Variants in CSMD2 observed in about 807,000 individuals in gnomAD.
CSMD2 encodes the protein CUB and Sushi multiple domains 2.
In CSMD2, 130 loss-of-function variants were observed where a neutral mutation model predicts 398.5. That is an observed-to-expected ratio of 0.33 (90% confidence interval 0.28 to 0.38). The LOEUF (loss-of-function observed/expected upper bound fraction) is 0.38. CSMD2 is among the 10% of genes least tolerant of loss of function. The pLI, the probability that CSMD2 is intolerant of heterozygous loss-of-function variation, is 1.00. For missense variants in CSMD2, 3,829 were observed against 4,764.9 expected, an observed-to-expected ratio of 0.80 and a Z score of 5.78; for synonymous variants, 1,828 against 1,908.5, an observed-to-expected ratio of 0.96 and a Z score of 1.10.
In CSMD2 at chr1:33,605,465, C is replaced by T. The variant is rs147076022; in HGVS notation, c.6349G>A (p.Glu2117Lys). 9.3e-4 allele frequency: 1,497 copies of T among 1,614,104 alleles called. 14 individuals are homozygous for T. In the African/African-American group the frequency reaches 0.015, roughly 16 times the overall value. The part of the protein sequence containing the change: ...PGFKLEYQAY[E>K]LQECPDPEPF... ...TCTGGGTCTGGGCACTCTTGAAGTT[C>T]ATAGGCTGGAAAAGATCCGGAGAAA... Residue 2117 changes from glutamate (E) to lysine (K), a missense_variant, in exon 42 of 71, where the codon GAA becomes AAA. This residue lies in a region of CSMD2 where 2,001 missense variants were observed against 2,567.1 expected (regional missense o/e 0.78). Coordinates refer to ENST00000373381, the MANE Select transcript of CSMD2 (RefSeq NM_001281956.2).
At chr1:34,086,836 C>T (rs1004335280) in intron 2 of CSMD2, among the ~76,000 whole-genome samples, 1 of 152,118 alleles carries the variant, frequency 6.6e-6, no homozygotes, top group Non-Finnish European at 1.5e-5. Context: ...GGCCAAAGTC[C>T]CTGCATGGCC....
chr1:34,147,359 G>A (rs1298392537), intron 1 of CSMD2, among the ~76,000 whole-genome samples: 2 of 152,212 alleles, frequency 1.3e-5, no homozygotes, highest in Non-Finnish European at 2.9e-5. Context: ...AAGTGGGAAG[G>A]AGTGATGGGC....
intron 13 of CSMD2, among the ~76,000 whole-genome samples, chr1:33,743,856 C>T (rs984814847): frequency 6.6e-6 from 1 of 152,148 alleles, no homozygotes; most frequent in African/African-American, 2.4e-5. Flanking sequence ...TCTCTTGGCC[C>T]CTCTCCCCTG....
At chr1:33,972,943 T>C (rs1645825164) in intron 3 of CSMD2, among the ~76,000 whole-genome samples, 1 of 152,154 alleles carries the variant, frequency 6.6e-6, no homozygotes, top group Non-Finnish European at 1.5e-5. Flanking sequence ...TAAAAGACTA[T>C]GAGTCTCCAT....
chr1:33,859,337 C>T (rs142431400), intron 5 of CSMD2, among the ~76,000 whole-genome samples: 5 of 152,240 alleles, frequency 3.3e-5, no homozygotes, highest in African/African-American at 1.2e-4. Context: ...GGCCTCTTTC[C>T]CTTGTCTTCA....
chr1:33,989,012 CCATATATATA>C (rs1558209120), intron 3 of CSMD2, among the ~76,000 whole-genome samples: 2 of 49,052 alleles, frequency 4.1e-5, no homozygotes, highest in African/African-American at 7.4e-5. Flanking sequence ...CTCTCTCTCT[CCATATATATA>C]TATATATATA....
chr1:33,622,078 A>G lies in CSMD2; in HGVS notation c.5827+89T>C. 3 of 940,874 alleles carry G rather than the reference A, an allele frequency of 3.2e-6. No individual in the cohort carries two copies. In the South Asian group the frequency reaches 4.1e-5, roughly 13 times the overall value. The allele number at this position is 940,874 out of a possible 1,614,324, so 58.3% of individuals were successfully genotyped here. ...GGCTTAAGTGGGATGGACAATATGC[A>G]GCTCCAGTTTAATCCTTGCTCAGAA... is the stretch of plus-strand genomic sequence containing the variant. On this transcript the variant is annotated intron_variant, in intron 37 of 70. Coordinates refer to ENST00000373381, the MANE Select transcript of CSMD2 (RefSeq NM_001281956.2).
intron 6 of CSMD2, among the ~76,000 whole-genome samples, chr1:33,837,465 T>TA (rs372715610): frequency 1.3e-5 from 2 of 151,736 alleles, no homozygotes; most frequent in Non-Finnish European, 2.9e-5. Flanking sequence ...AAAAAGAAGT[T>TA]TTTTACTATC....
intron 7 of CSMD2, 86 bp from the exon 8 acceptor site, chr1:33,820,642 C>A: frequency 3.3e-6 from 3 of 912,830 alleles, no homozygotes; most frequent in East Asian, 4.8e-5. Context: ...GGCAATGTCT[C>A]AGGGTGGGAG....
At position 33,743,891 on chromosome 1, in the gene CSMD2, G is replaced by A. The variant is rs1306085957; in HGVS notation, c.1847-285C>T. Among the ~76,000 whole-genome samples, 4 of 152,274 alleles carry A rather than the reference G, an allele frequency of 2.6e-5. No homozygotes were observed. The East Asian group carries it at 7.7e-4, about 29-fold the overall frequency. ...GGTCAGCACGCCCACCTAGGATGCG[G>A]CCCAGATTTTTAAAAATTATTTCTA... is the stretch of plus-strand genomic sequence containing the variant. On this transcript the variant is annotated intron_variant, in intron 13 of 70. Transcript: ENST00000373381.
intron 44 of CSMD2, chr1:33,600,087 C>G (rs1037536174): frequency 1.5e-6 from 1 of 681,572 alleles, no homozygotes. Context: ...AGAATTCTTA[C>G]AGGTCACAAA....
At chr1:34,035,159 C>G (rs1650957269) in intron 2 of CSMD2, among the ~76,000 whole-genome samples, 2 of 152,048 alleles carry the variant, frequency 1.3e-5, no homozygotes, top group Non-Finnish European at 2.9e-5. Flanking sequence ...CCGTAAGTTT[C>G]CCAATATGAA....
rs936004998 is a variant in CSMD2 at position 33,877,245 on chromosome 1, C to G, written c.921-30249G>C. Among the ~76,000 whole-genome samples the G allele has an allele frequency of 2.0e-5, 3 of 152,208 alleles. No individual in the cohort carries two copies. In the East Asian group the frequency reaches 5.8e-4, roughly 29 times the overall value. On this transcript the variant is annotated intron_variant, in intron 5 of 70. Coordinates refer to ENST00000373381, the MANE Select transcript of CSMD2 (RefSeq NM_001281956.2). ...TGACTCAGCATTGCCTCTTCCTAAC[C>G]TGTTGAGTGGGTTTATAGATTGTGT...
intron 13 of CSMD2, among the ~76,000 whole-genome samples, chr1:33,768,535 CATGTGTGT>C (rs370189520): frequency 7.8e-4 from 89 of 114,624 alleles, no homozygotes; most frequent in African/African-American, 1.4e-3. Flanking sequence ...TGTGTGCGTG[CATGTGTGT>C]GTGTGTGTGT....
chr1:33,797,645 C>T (rs1292628481), intron 10 of CSMD2, among the ~76,000 whole-genome samples: 1 of 152,172 alleles, frequency 6.6e-6, no homozygotes, highest in African/African-American at 2.4e-5. Flanking sequence ...TTTTCTCTCA[C>T]ACTTTCCTTG....
Position 33,675,531 on chromosome 1 carries a change from AAGG to A in CSMD2, c.4053-12442_4053-12440del, listed in dbSNP as rs1571184518. 5.9e-5 allele frequency among the ~76,000 whole-genome samples: 9 copies of A among 152,350 alleles called. No individual in the cohort carries two copies. The East Asian group carries it at 1.7e-3, about 29-fold the overall frequency. On this transcript the variant is annotated intron_variant, in intron 25 of 70. Transcript: ENST00000373381. ...CACAGCCGAATTCTACCAGAGGTAC[AAGG>A]AGAAGCTGGTACCATTACTTCTGAA... is the stretch of plus-strand genomic sequence containing the variant.
At chr1:33,577,247 T>C (rs1638333201) in intron 49 of CSMD2, 49 bp downstream of exon 49, 13 of 1,518,132 alleles carry the variant, frequency 8.6e-6, no homozygotes, top group Non-Finnish European at 1.2e-5. Flanking sequence ...ACCCAAGATA[T>C]GAGTTGGATC....
chr1:33,983,179 A>T (rs1287312233), intron 3 of CSMD2, among the ~76,000 whole-genome samples: 1 of 152,158 alleles, frequency 6.6e-6, no homozygotes, highest in Non-Finnish European at 1.5e-5. Context: ...GGAGGCAGGG[A>T]GCTGCTTAGA....
intron 5 of CSMD2, among the ~76,000 whole-genome samples, chr1:33,900,184 A>G (rs1448020354): frequency 6.6e-6 from 1 of 152,178 alleles, no homozygotes; most frequent in Non-Finnish European, 1.5e-5. Flanking sequence ...GTGCCCAATT[A>G]TTTCTTATAA....
Sources: gnomAD v4.1 joint callset for allele counts (sites outside exome capture counted in the v4.1 genomes callset) on GRCh38, gnomAD v4.1.1 for gene constraint, gnomAD v4.1.1 regional missense constraint, MANE v1.5 for transcripts, NCBI Gene and HGNC (gene_info 2026-07-23, HGNC 2026-07-21) for gene names.